The following C1orf87 variants were observed in gnomAD, a reference collection of about 807,000 sequenced individuals.
C1orf87 encodes the protein chromosome 1 open reading frame 87, also known as uncharacterized protein C1orf87.
Under a neutral mutation model 60.5 loss-of-function variants are expected in C1orf87, and 58 were observed. The ratio of observed to expected loss-of-function variants is 0.96; its 90% CI spans 0.78 to 1.19. The LOEUF is 1.19. Among genes scored for constraint, C1orf87 ranks in the 50% most tolerant of loss-of-function variants. The pLI is 0.00. For missense variants in C1orf87, 673 were observed against 638.6 expected (o/e 1.05, Z -0.58); for synonymous variants, 236 against 227.4 (o/e 1.04, Z -0.34).
intron 2 of C1orf87, among the ~76,000 whole-genome samples, chr1:60,056,692 C>G (rs1645459399): frequency 6.6e-6 from 1 of 152,172 alleles, no homozygotes; most frequent in Non-Finnish European, 1.5e-5. Flanking sequence ...TTACATTACA[C>G]TCTATTACAC....
intron 6 of C1orf87, among the ~76,000 whole-genome samples, chr1:60,036,122 C>A (rs758338017): frequency 6.2e-4 from 95 of 152,102 alleles, no homozygotes; most frequent in Non-Finnish European, 1.2e-3. Context: ...CAGTTGCTCC[C>A]AGAGTGATAT....
intron 7 of C1orf87, among the ~76,000 whole-genome samples, chr1:60,032,044 G>A (rs1367919969): frequency 6.6e-6 from 1 of 151,884 alleles, no homozygotes; most frequent in Non-Finnish European, 1.5e-5. Flanking sequence ...TTGCACAGTT[G>A]ATTTTAAATA....
chr1:60,015,640 C>A (rs1645119764), intron 8 of C1orf87, among the ~76,000 whole-genome samples: 1 of 152,152 alleles, frequency 6.6e-6, no homozygotes. Flanking sequence ...CTCTGTGCAC[C>A]TACATCCCTG....
At chr1:59,991,643 C>T (rs1389358586) in intron 11 of C1orf87, among the ~76,000 whole-genome samples, 2 of 152,186 alleles carry the variant, frequency 1.3e-5, no homozygotes, top group Non-Finnish European at 2.9e-5. Flanking sequence ...CTCCAGCTTG[C>T]TGTGCAATCA....
chr1:60,064,635 TATATG>T (rs1488692640), intron 2 of C1orf87, among the ~76,000 whole-genome samples: 2 of 112,276 alleles, frequency 1.8e-5, no homozygotes, highest in Non-Finnish European at 3.4e-5. Flanking sequence ...TATATAAATA[TATATG>T]ATATATTTTA....
intron 8 of C1orf87, among the ~76,000 whole-genome samples, chr1:60,012,295 T>C (rs574201582): frequency 8.5e-5 from 13 of 152,196 alleles, no homozygotes; most frequent in African/African-American, 2.9e-4. Context: ...AGTGTTCTCT[T>C]AGATATCAGG....
At chr1:60,007,843 T>C (rs1645056943) in intron 9 of C1orf87, among the ~76,000 whole-genome samples, 1 of 152,066 alleles carries the variant, frequency 6.6e-6, no homozygotes, top group Non-Finnish European at 1.5e-5. Context: ...GCAGTATATA[T>C]AAAATGAGTT....
chr1:60,073,472 TTCCAGTACTTGGG>T (rs901767620), intron 1 of C1orf87, among the ~76,000 whole-genome samples: 2 of 152,136 alleles, frequency 1.3e-5, no homozygotes, highest in African/African-American at 4.8e-5. Flanking sequence ...ACGGGACTGT[TTCCAGTACTTGGG>T]TCTGATGTCT....
intron 2 of C1orf87, among the ~76,000 whole-genome samples, chr1:60,064,356 A>G (rs1645520760): frequency 2.0e-5 from 2 of 98,388 alleles, no homozygotes; most frequent in Non-Finnish European, 4.4e-5. Flanking sequence ...TATATGTAAT[A>G]TATAATATAT....
At chr1:60,064,329 ATATAC>A (rs1353734147) in intron 2 of C1orf87, among the ~76,000 whole-genome samples, 248 of 141,292 alleles carry the variant, frequency 1.8e-3, no homozygotes, top group East Asian at 3.8e-3. Context: ...TATATATTAT[ATATAC>A]TATATATGTA....
rs1383257017 is a variant in C1orf87 at position 60,041,033 on chromosome 1, CCAGTCT to C, written c.435_440del (p.Asp146_Trp147del). 1 of 1,613,404 alleles carries C rather than the reference CCAGTCT, an allele frequency of 6.2e-7. No homozygotes were observed. The highest frequency in any genetic ancestry group is 8.5e-7 in the Non-Finnish European group (1 of 1,179,518). On this transcript the variant is annotated inframe_deletion, in exon 4 of 12. Coordinates refer to ENST00000371201, the MANE Select transcript of C1orf87 (RefSeq NM_152377.3). ...TGCCTCTCACCATCTGTTCCAAGGA[CCAGTCT>C]CTAAGCTTTCTCCTGGGAATGCCAT...
At position 59,990,725 on chromosome 1, in the gene C1orf87, G is replaced by A. The variant is rs759893988; in HGVS notation, c.1589C>T (p.Ser530Leu). The change falls in exon 12 of 12, where the codon TCG (serine) becomes TTG (leucine). Residue 530 changes from serine to leucine, a missense_variant. Transcript: ENST00000371201. The part of the protein sequence containing the change: ...KIDQALRRFR[S>L]GENMLLEPAL... Reference sequence around the variant, plus strand: ...TGGCTCCAAGAGCATATTTTCTCCCGAACGGAATCTGCGCAAGGCCTGGTC... The same window carrying A: ...TGGCTCCAAGAGCATATTTTCTCCCAAACGGAATCTGCGCAAGGCCTGGTC... 12 of 1,613,864 alleles carry A rather than the reference G, an allele frequency of 7.4e-6. No homozygotes were observed. The highest frequency in any genetic ancestry group is 4.0e-5 in the African/African-American group (3 of 74,876).
chr1:60,069,952 C>T (rs1645573734), intron 2 of C1orf87, among the ~76,000 whole-genome samples: 1 of 152,118 alleles, frequency 6.6e-6, no homozygotes, highest in Non-Finnish European at 1.5e-5. Flanking sequence ...GATGCAGATG[C>T]AGGGAGAAAG....
intron 9 of C1orf87, among the ~76,000 whole-genome samples, chr1:60,009,624 G>A (rs890520509): frequency 1.3e-5 from 2 of 151,340 alleles, no homozygotes; most frequent in East Asian, 1.9e-4. Flanking sequence ...ATTTAATCCC[G>A]GACACACACA....
At chr1:60,008,971 G>T in intron 9 of C1orf87, 1 of 201,826 alleles carries the variant, frequency 5.0e-6, no homozygotes, top group Non-Finnish European at 1.0e-5. Context: ...TGTTCCCTTA[G>T]CCTTAAGGTG....
intron 2 of C1orf87, 94 bp downstream of exon 2, chr1:60,072,443 G>T: frequency 1.1e-6 from 1 of 946,848 alleles, no homozygotes; most frequent in Non-Finnish European, 1.6e-6. Context: ...TTCCATGGAT[G>T]GCATTTTTTA....
chr1:60,027,596 A>G (rs1645208408), intron 7 of C1orf87, among the ~76,000 whole-genome samples: 1 of 152,228 alleles, frequency 6.6e-6, no homozygotes, highest in Non-Finnish European at 1.5e-5. Flanking sequence ...TAAAACCAAC[A>G]TTTTAAAATG....
Position 60,072,759 on chromosome 1 carries a change from G to A in C1orf87, c.-27-89C>T, listed in dbSNP as rs967685837. The A allele has an allele frequency of 2.1e-5, 14 of 654,972 alleles. No individual in the cohort carries two copies. The South Asian group carries it at 2.5e-4, about 12-fold the overall frequency. The allele number at this position is 654,972 out of a possible 1,614,324, so 40.6% of individuals were successfully genotyped here. A position where few individuals can be genotyped will look rare whatever the true frequency, so the allele number is the denominator to read the frequency against. ...CCAATAACAACAAGCAATAATAATAGCAGGACAAAGTGTTTCACCTATATT... is the reference window on the plus strand; with the variant it reads ...CCAATAACAACAAGCAATAATAATAACAGGACAAAGTGTTTCACCTATATT... On this transcript the variant is annotated intron_variant, in intron 1 of 11. Transcript: ENST00000371201.
intron 9 of C1orf87, among the ~76,000 whole-genome samples, chr1:60,008,332 C>A (rs1317039568): frequency 6.6e-6 from 1 of 151,956 alleles, no homozygotes; most frequent in Non-Finnish European, 1.5e-5. Flanking sequence ...AAATAAGTGT[C>A]CCAATATAAG....
Sources: gnomAD v4.1 joint callset for allele counts (sites outside exome capture counted in the v4.1 genomes callset) on GRCh38, gnomAD v4.1.1 for gene constraint, MANE v1.5 for transcripts, NCBI Gene and HGNC (gene_info 2026-07-23, HGNC 2026-07-21) for gene names.